Variants in TBC1D1 observed in about 807,000 individuals in gnomAD.
TBC1D1 encodes the protein TBC1 domain family member 1, also known as TBC1 (tre-2/USP6, BUB2, cdc16) domain family, member 1.
Under a neutral mutation model 125.6 loss-of-function variants are expected in TBC1D1, and 89 were observed. That is an observed-to-expected ratio of 0.71 (90% CI 0.60 to 0.85). TBC1D1 has a LOEUF of 0.85. TBC1D1 is among the 40% of genes least tolerant of loss of function. TBC1D1 has a pLI of 0.00. For synonymous variants in TBC1D1, 565 were observed against 564.1 expected, an observed-to-expected ratio of 1.00 and a Z score of -0.02; for missense variants, 1,377 against 1,469.2, an observed-to-expected ratio of 0.94 and a Z score of 1.03.
intron 2 of TBC1D1, among the ~76,000 whole-genome samples, chr4:37,963,614 G>A (rs1238106281): frequency 4.6e-5 from 7 of 152,168 alleles, no homozygotes; most frequent in African/African-American, 7.2e-5. Flanking sequence ...CCGAGATCAC[G>A]CCACTGCACT....
intron 2 of TBC1D1, among the ~76,000 whole-genome samples, chr4:37,903,125 T>C (rs900824630): frequency 2.2e-4 from 33 of 152,234 alleles, no homozygotes; most frequent in African/African-American, 8.0e-4. Flanking sequence ...TAAGTTTTGA[T>C]GCGATCAGGG....
chr4:38,014,577 G>T lies in TBC1D1; in HGVS notation c.486G>T (p.Pro162=). The change falls in exon 3 of 20, where the codon CCG becomes CCT. Residue 162 remains proline, a synonymous_variant. Coordinates refer to ENST00000261439, the MANE Select transcript of TBC1D1 (RefSeq NM_015173.4). The surrounding 1 kb of genome is among the most constrained non-coding windows in gnomAD (Gnocchi z 5.1). ...CCCGGCAGGAGGAGCTGCACTGCCC[G>T]TCCGAGTTCGACGACACGTTTTCCA... is the stretch of plus-strand genomic sequence containing the variant. 3 of 1,613,354 alleles carry T rather than the reference G, an allele frequency of 1.9e-6. No homozygotes were observed. The highest frequency in any genetic ancestry group is 1.1e-5 in the South Asian group (1 of 91,078).
intron 12 of TBC1D1, among the ~76,000 whole-genome samples, chr4:38,083,906 G>A (rs1013703663): frequency 6.7e-6 from 1 of 148,460 alleles, no homozygotes; most frequent in Non-Finnish European, 1.5e-5. Flanking sequence ...CAACTTAACA[G>A]TATTTCTTTA....
chr4:38,108,872 A>T (rs17579792), intron 15 of TBC1D1, among the ~76,000 whole-genome samples: 1 of 152,326 alleles, frequency 6.6e-6, no homozygotes, highest in East Asian at 1.9e-4. Flanking sequence ...AACCTCCAAA[A>T]GGAAGGAATC....
intron 16 of TBC1D1, among the ~76,000 whole-genome samples, chr4:38,117,014 G>A (rs1344125369): frequency 6.6e-6 from 1 of 152,206 alleles, no homozygotes; most frequent in Non-Finnish European, 1.5e-5. Flanking sequence ...CATGTACTGT[G>A]AGGTTCTTCC....
At chr4:38,099,133 T>C (rs560370011) in intron 14 of TBC1D1, among the ~76,000 whole-genome samples, 1 of 152,290 alleles carries the variant, frequency 6.6e-6, no homozygotes, top group South Asian at 2.1e-4. Context: ...GCAATGCCAT[T>C]TATAAAAACT....
At chr4:38,072,863 T>G (rs975650934) in intron 12 of TBC1D1, among the ~76,000 whole-genome samples, 1 of 152,206 alleles carries the variant, frequency 6.6e-6, no homozygotes, top group Non-Finnish European at 1.5e-5. Context: ...TAGAGTCATA[T>G]GGTATTTGTC....
At chr4:37,938,750 C>T (rs927042614) in intron 2 of TBC1D1, among the ~76,000 whole-genome samples, 1 of 152,100 alleles carries the variant, frequency 6.6e-6, no homozygotes, top group Admixed American at 6.5e-5. Flanking sequence ...TGTTCAATTC[C>T]CACCTATGAG....
At chr4:37,951,678 G>A (rs1727909914) in intron 2 of TBC1D1, among the ~76,000 whole-genome samples, 1 of 152,182 alleles carries the variant, frequency 6.6e-6, no homozygotes, top group Admixed American at 6.5e-5. Flanking sequence ...AGCCAAGTTA[G>A]GGAAGTGGAC....
rs1247048677 is a variant in TBC1D1 at position 38,110,391 on chromosome 4, G to A, written c.2558-5319G>A. The A allele has an allele frequency of 1.4e-5, 14 of 985,400 alleles. No homozygotes were observed. The East Asian group carries it at 1.4e-3, about 96-fold the overall frequency. 61.0% of individuals were successfully genotyped at this position (985,400 alleles called of 1,614,324 possible). A position where few individuals can be genotyped will look rare whatever the true frequency, so the allele number is the denominator to read the frequency against. On this transcript the variant is annotated intron_variant, in intron 15 of 19. Transcript: ENST00000261439. ...CCCAGATGATCCTAATAGGATTCCT[G>A]CCTGAAAATTGCTGGGTGAAGGCTC... is the stretch of plus-strand genomic sequence containing the variant.
intron 6 of TBC1D1, 81 bp downstream of exon 6, chr4:38,021,799 G>A: frequency 7.4e-7 from 1 of 1,355,824 alleles, no homozygotes; most frequent in East Asian, 3.0e-5. Flanking sequence ...TCATCTGTTG[G>A]AAGATTCTGC....
chr4:37,981,940 A>C (rs1394436725), intron 2 of TBC1D1, among the ~76,000 whole-genome samples: 1 of 152,182 alleles, frequency 6.6e-6, no homozygotes, highest in African/African-American at 2.4e-5. Context: ...ACCAGTGGAT[A>C]GTCATTGTCT....
chr4:37,948,203 C>A (rs1727115046), intron 2 of TBC1D1, among the ~76,000 whole-genome samples: 1 of 152,172 alleles, frequency 6.6e-6, no homozygotes, highest in Non-Finnish European at 1.5e-5. Flanking sequence ...GTCAGAGGAG[C>A]AGCAAGGCGG....
intron 2 of TBC1D1, among the ~76,000 whole-genome samples, chr4:37,983,349 G>A (rs1258994538): frequency 2.0e-5 from 3 of 152,036 alleles, no homozygotes; most frequent in Non-Finnish European, 4.4e-5. Flanking sequence ...TCCTGACCTC[G>A]TGATCTACCT....
intron 2 of TBC1D1, among the ~76,000 whole-genome samples, chr4:37,915,758 C>T (rs1046933368): frequency 2.0e-5 from 3 of 152,222 alleles, no homozygotes; most frequent in Non-Finnish European, 4.4e-5. Context: ...TTTCCTCCTT[C>T]ATCAGGACAG....
At chr4:38,032,388 A>G (rs369356632) in intron 7 of TBC1D1, among the ~76,000 whole-genome samples, 11 of 152,198 alleles carry the variant, frequency 7.2e-5, no homozygotes, top group African/African-American at 2.7e-4. Flanking sequence ...CCTCCAGGTA[A>G]CCATCATCCT....
At chr4:37,945,763 C>A (rs755381518) in intron 2 of TBC1D1, among the ~76,000 whole-genome samples, 3 of 152,092 alleles carry the variant, frequency 2.0e-5, no homozygotes, top group Non-Finnish European at 4.4e-5. Flanking sequence ...GTATTAGTAT[C>A]TAAACTGGTA....
chr4:38,034,237 A>C (rs557191833), intron 7 of TBC1D1, among the ~76,000 whole-genome samples: 21 of 152,314 alleles, frequency 1.4e-4, no homozygotes, highest in African/African-American at 3.1e-4. Flanking sequence ...CTTTTTGAGA[A>C]TCTAATGCCC....
chr4:38,044,353 C>A lies in TBC1D1; in HGVS notation c.1414-9C>A, dbSNP rs1249181481. The A allele has an allele frequency of 4.4e-6, 7 of 1,590,348 alleles. No homozygotes were observed. The Admixed American group carries it at 1.2e-4, about 26-fold the overall frequency. ...GCGATAAATGACTTTTCGTTTTTCACTTTTTTAGACATCGCAGATGGCAGC... is the reference window on the plus strand; with the variant it reads ...GCGATAAATGACTTTTCGTTTTTCAATTTTTTAGACATCGCAGATGGCAGC... On this transcript the variant is annotated splice_polypyrimidine_tract_variant and intron_variant, in intron 8 of 19. Transcript: ENST00000261439.
Sources: gnomAD v4.1 joint callset for allele counts (sites outside exome capture counted in the v4.1 genomes callset) on GRCh38, gnomAD v4.1.1 for gene constraint, Gnocchi (gnomAD v3.1) non-coding constraint, MANE v1.5 for transcripts, NCBI Gene and HGNC (gene_info 2026-07-23, HGNC 2026-07-21) for gene names.